Variants in IRX3 observed in about 807,000 individuals in gnomAD.
IRX3 encodes iroquois homeobox 3.
Under a neutral mutation model 36.4 loss-of-function variants are expected in IRX3, and 20 were observed. That is an observed-to-expected ratio of 0.55 (90% CI 0.39 to 0.80). The LOEUF (loss-of-function observed/expected upper bound fraction) is 0.80, where lower values mean the gene tolerates loss of function less well. IRX3 is among the 30% of genes least tolerant of loss of function. The pLI is 0.00. For synonymous variants in IRX3, 404 were observed against 351.6 expected (o/e 1.15, Z -1.67); for missense variants, 718 against 733.2 (o/e 0.98, Z 0.24).
Position 54,285,515 on chromosome 16 carries a change from C to T in IRX3, c.366G>A (p.Gln122=). The T allele has an allele frequency of 6.2e-7, 1 of 1,613,922 alleles. No homozygotes were observed. The highest frequency in any genetic ancestry group is 8.5e-7 in the Non-Finnish European group (1 of 1,179,920). ...GACGGGACGGGTCCCCGAACTGGTA[C>T]TGGCCATACGGGTAGAAGGCGGGGT... The part of the protein sequence containing the change: ...HPHPAFYPYG[Q]YQFGDPSRPK... The change falls in exon 2 of 4, where the codon CAG becomes CAA. Residue 122 remains glutamine, a synonymous_variant. Coordinates refer to ENST00000329734, the MANE Select transcript of IRX3 (RefSeq NM_024336.3). The surrounding 1 kb of genome is among the most constrained non-coding windows in gnomAD (Gnocchi z 5.7).
chr16:54,284,029 T>C lies in IRX3; in HGVS notation c.1451+217A>G. 1 of 1,372,284 alleles carries C rather than the reference T, an allele frequency of 7.3e-7. No homozygotes were observed. Among genetic ancestry groups the C allele is most frequent in the Non-Finnish European group, 9.6e-7 (1 of 1,042,194 alleles). 85.0% of individuals were successfully genotyped at this position (1,372,284 alleles called of 1,614,324 possible). On this transcript the variant is annotated intron_variant, in intron 3 of 3. Coordinates refer to ENST00000329734, the MANE Select transcript of IRX3 (RefSeq NM_024336.3). This position sits in a 1 kb window ranked among gnomAD's most constrained non-coding sequence, Gnocchi z 4.0. Reference sequence around the variant, plus strand: ...CTTCCCCTAGAAGGTACAAGCGCTGTACCCTCCGGCCGCGCCTGGGGTGCC... The same window carrying C: ...CTTCCCCTAGAAGGTACAAGCGCTGCACCCTCCGGCCGCGCCTGGGGTGCC...
Position 54,286,233 on chromosome 16 carries a change from G to T in IRX3, c.-183C>A. 9.9e-7 allele frequency: 1 copy of T among 1,011,826 alleles called. No individual in the cohort carries two copies. 62.7% of individuals were successfully genotyped at this position (1,011,826 alleles called of 1,614,324 possible). Reference sequence around the variant, plus strand: ...TCCGCGGCGGCGACGGCGGCGGCGAGGGCGGCGGCGAGGAGCCAGGTCAGG... The same window carrying T: ...TCCGCGGCGGCGACGGCGGCGGCGATGGCGGCGGCGAGGAGCCAGGTCAGG... On this transcript the variant is annotated 5_prime_UTR_variant, in exon 1 of 4. Coordinates refer to ENST00000329734, the MANE Select transcript of IRX3 (RefSeq NM_024336.3).
At position 54,284,136 on chromosome 16, in the gene IRX3, C is replaced by G; in HGVS notation, c.1451+110G>C. On this transcript the variant is annotated intron_variant, in intron 3 of 3. Transcript: ENST00000329734. The surrounding 1 kb of genome is among the most constrained non-coding windows in gnomAD (Gnocchi z 4.0). ...TTCGTCCCCTTTTACAAAATGCGTCCCAGCAGGGTTCCCCCCTACCCCGGG... is the reference window on the plus strand; with the variant it reads ...TTCGTCCCCTTTTACAAAATGCGTCGCAGCAGGGTTCCCCCCTACCCCGGG... The G allele has an allele frequency of 5.8e-6, 7 of 1,215,028 alleles. 1 individual carries two copies. Among genetic ancestry groups the G allele is most frequent in the South Asian group, 5.5e-5 (4 of 72,564 alleles). The allele number at this position is 1,215,028 out of a possible 1,614,324, so 75.3% of individuals were successfully genotyped here. A position where few individuals can be genotyped will look rare whatever the true frequency, so the allele number is the denominator to read the frequency against.
chr16:54,285,668 C>A lies in IRX3; in HGVS notation c.268-55G>T. The A allele has an allele frequency of 6.8e-7, 1 of 1,463,588 alleles. No individual in the cohort carries two copies. 90.7% of individuals were successfully genotyped at this position (1,463,588 alleles called of 1,614,324 possible). A position where few individuals can be genotyped will look rare whatever the true frequency, so the allele number is the denominator to read the frequency against. On this transcript the variant is annotated intron_variant, in intron 1 of 3. Transcript: ENST00000329734. The surrounding 1 kb of genome is among the most constrained non-coding windows in gnomAD (Gnocchi z 5.7). Reference sequence around the variant, plus strand: ...GCGCGGAGGGAGCGCGAGTGAGCCCCAGCCATCGCTGCCTCCCCCCTCCTG... The same window carrying A: ...GCGCGGAGGGAGCGCGAGTGAGCCCAAGCCATCGCTGCCTCCCCCCTCCTG...
chr16:54,283,508 G>A lies in IRX3; in HGVS notation c.*178C>T, dbSNP rs1165261080. On this transcript the variant is annotated 3_prime_UTR_variant, in exon 4 of 4. Coordinates refer to ENST00000329734, the MANE Select transcript of IRX3 (RefSeq NM_024336.3). This position sits in a 1 kb window ranked among gnomAD's most constrained non-coding sequence, Gnocchi z 4.4. Reference sequence around the variant, plus strand: ...TGCGGGGTGCCACAGAAGCGACTTGGGGAGGGCTGAGGAGGACTGGTTTTA... The same window carrying A: ...TGCGGGGTGCCACAGAAGCGACTTGAGGAGGGCTGAGGAGGACTGGTTTTA... 1 of 520,972 alleles carries A rather than the reference G, an allele frequency of 1.9e-6. No homozygotes were observed. The highest frequency in any genetic ancestry group is 3.5e-6 in the Non-Finnish European group (1 of 286,222). 32.3% of individuals were successfully genotyped at this position (520,972 alleles called of 1,614,324 possible).
rs1567616900 is a variant in IRX3, at chr16:54,285,273, C to T, written c.608G>A (p.Gly203Glu). 3.1e-6 allele frequency: 5 copies of T among 1,613,952 alleles called. No individual in the cohort carries two copies. Among genetic ancestry groups the T allele is most frequent in the East Asian group, 4.5e-5 (2 of 44,854 alleles). ...WAPRSRTDEE[G>E]NAYGSEREEE... Reference sequence around the variant, plus strand: ...CTCGCGCTCGCTCCCATAAGCGTTTCCCTCCTCGTCAGTGCGGCTGCGAGG... The same window carrying T: ...CTCGCGCTCGCTCCCATAAGCGTTTTCCTCCTCGTCAGTGCGGCTGCGAGG... The change falls in exon 2 of 4, where the codon GGA becomes GAA. Residue 203 changes from glycine to glutamate, a missense_variant. Transcript: ENST00000329734. This position sits in a 1 kb window ranked among gnomAD's most constrained non-coding sequence, Gnocchi z 5.7.
At position 54,284,385 on chromosome 16, in the gene IRX3, A is replaced by C; in HGVS notation, c.1385-73T>G. ...GCCGGCGCCCAGGGCCGCAGAAAGCAGGAGTGGAGAGGGACGCGCGCCCTG... is the reference window on the plus strand; with the variant it reads ...GCCGGCGCCCAGGGCCGCAGAAAGCCGGAGTGGAGAGGGACGCGCGCCCTG... On this transcript the variant is annotated intron_variant, in intron 2 of 3. Transcript: ENST00000329734. The surrounding 1 kb of genome is among the most constrained non-coding windows in gnomAD (Gnocchi z 4.0). The C allele has an allele frequency of 6.6e-7, 1 of 1,510,044 alleles. No homozygotes were observed. The highest frequency in any genetic ancestry group is 1.3e-5 in the South Asian group (1 of 77,074). 93.5% of individuals were successfully genotyped at this position (1,510,044 alleles called of 1,614,324 possible).
In IRX3 at chr16:54,283,489, G is replaced by T. The variant is rs529678033; in HGVS notation, c.*197C>A. 14 of 504,064 alleles carry T rather than the reference G, an allele frequency of 2.8e-5. No homozygotes were observed. The East Asian group carries it at 4.3e-4, about 16-fold the overall frequency. 31.2% of individuals were successfully genotyped at this position (504,064 alleles called of 1,614,324 possible). On this transcript the variant is annotated 3_prime_UTR_variant, in exon 4 of 4. Coordinates refer to ENST00000329734, the MANE Select transcript of IRX3 (RefSeq NM_024336.3). The surrounding 1 kb of genome is among the most constrained non-coding windows in gnomAD (Gnocchi z 4.4). The stretch of plus-strand genomic sequence containing the variant: ...AAACAAACCTCACAGCGAATGCGGG[G>T]TGCCACAGAAGCGACTTGGGGAGGG...
Position 54,284,412 on chromosome 16 carries a change from G to C in IRX3, c.1384+85C>G. The C allele has an allele frequency of 1.4e-6, 2 of 1,430,606 alleles. No homozygotes were observed. The highest frequency in any genetic ancestry group is 2.9e-5 in the East Asian group (1 of 34,594). 88.6% of individuals were successfully genotyped at this position (1,430,606 alleles called of 1,614,324 possible). Reference sequence around the variant, plus strand: ...GAGTGGAGAGGGACGCGCGCCCTGCGCCCCCCGGGCCCTGCCCCTCCCGGC... The same window carrying C: ...GAGTGGAGAGGGACGCGCGCCCTGCCCCCCCCGGGCCCTGCCCCTCCCGGC... On this transcript the variant is annotated intron_variant, in intron 2 of 3. Coordinates refer to ENST00000329734, the MANE Select transcript of IRX3 (RefSeq NM_024336.3). This position sits in a 1 kb window ranked among gnomAD's most constrained non-coding sequence, Gnocchi z 4.0.
rs115662299 is a variant in IRX3 at position 54,285,695 on chromosome 16, C to T, written c.268-82G>A. 1,532 of 1,463,596 alleles carry T rather than the reference C, an allele frequency of 1.0e-3. 15 individuals are homozygous for T. The African/African-American group carries it at 0.019, about 18-fold the overall frequency. 90.7% of individuals were successfully genotyped at this position (1,463,596 alleles called of 1,614,324 possible). A position where few individuals can be genotyped will look rare whatever the true frequency, so the allele number is the denominator to read the frequency against. On this transcript the variant is annotated intron_variant, in intron 1 of 3. Transcript: ENST00000329734. The surrounding 1 kb of genome is among the most constrained non-coding windows in gnomAD (Gnocchi z 5.7). ...GCCATCGCTGCCTCCCCCCTCCTGG[C>T]CTGCACCCCTCTAGTCCGGCCCCCG...
Position 54,285,739 on chromosome 16 carries a change from C to A in IRX3, c.267+45G>T, listed in dbSNP as rs966800332. ...GCCCCCGCGCGCTCAGCTCGCCCTGCGCCCCAGCGCCAACCCCTCCTTCCC... is the reference window on the plus strand; with the variant it reads ...GCCCCCGCGCGCTCAGCTCGCCCTGAGCCCCAGCGCCAACCCCTCCTTCCC... On this transcript the variant is annotated intron_variant, in intron 1 of 3. Coordinates refer to ENST00000329734, the MANE Select transcript of IRX3 (RefSeq NM_024336.3). The surrounding 1 kb of genome is among the most constrained non-coding windows in gnomAD (Gnocchi z 5.7). 17 of 1,481,518 alleles carry A rather than the reference C, an allele frequency of 1.1e-5. No homozygotes were observed. Among genetic ancestry groups the A allele is most frequent in the Non-Finnish European group, 1.4e-5 (16 of 1,125,490 alleles). 91.8% of individuals were successfully genotyped at this position (1,481,518 alleles called of 1,614,324 possible).
In IRX3 at chr16:54,285,335, G is replaced by C. The variant is rs1901301005; in HGVS notation, c.546C>G (p.Arg182=). 2 of 1,614,192 alleles carry C rather than the reference G, an allele frequency of 1.2e-6. No individual in the cohort carries two copies. The highest frequency in any genetic ancestry group is 1.7e-6 in the Non-Finnish European group (2 of 1,180,046). The change falls in exon 2 of 4, where the codon CGC becomes CGG. Residue 182 remains arginine (R), a synonymous_variant. Transcript: ENST00000329734. This position sits in a 1 kb window ranked among gnomAD's most constrained non-coding sequence, Gnocchi z 5.7. ...TCTTATTCTCCTTCTTGAGGCGCCG[G>C]CGCGCGTTGGCGAACCAGGTGGACA... The part of the protein sequence containing the change: ...TQVSTWFANA[R]RRLKKENKMT...
chr16:54,285,218 G>A lies in IRX3; in HGVS notation c.663C>T (p.Asp221=). 6.2e-7 allele frequency: 1 copy of A among 1,607,168 alleles called. No homozygotes were observed. The highest frequency in any genetic ancestry group is 8.5e-7 in the Non-Finnish European group (1 of 1,177,196). Residue 221 remains aspartate, a synonymous_variant, in exon 2 of 4, where the codon GAC becomes GAT. Coordinates refer to ENST00000329734, the MANE Select transcript of IRX3 (RefSeq NM_024336.3). The surrounding 1 kb of genome is among the most constrained non-coding windows in gnomAD (Gnocchi z 5.7). ...CCTCCAGCTCTAGCTCGCGTTTGCC[G>A]TCCTCCTCGTCCTCCTCTTCGTCTT... The part of the protein sequence containing the change: ...EEEDEEEDEE[D]GKRELELEEE...
chr16:54,284,538 G>T lies in IRX3; in HGVS notation c.1343C>A (p.Ala448Asp). 5 of 1,418,628 alleles carry T rather than the reference G, an allele frequency of 3.5e-6. No individual in the cohort carries two copies. The highest frequency in any genetic ancestry group is 4.6e-6 in the Non-Finnish European group (5 of 1,096,590). 87.9% of individuals were successfully genotyped at this position (1,418,628 alleles called of 1,614,324 possible). ...CTCCGCTGGCCGAGCGAAGGCGGCG[G>T]CGGCAGCCGGGTGGCCCGCGGCTCC... The part of the protein sequence containing the change: ...LPGAAGHPAA[A>D]AAFARPAEPE... The change falls in exon 2 of 4, where the codon GCC (alanine) becomes GAC (aspartate). Residue 448 changes from alanine to aspartate, a missense_variant. This residue lies in a region of IRX3 where 468 missense variants were observed against 462.1 expected (regional missense o/e 1.01). Transcript: ENST00000329734. This position sits in a 1 kb window ranked among gnomAD's most constrained non-coding sequence, Gnocchi z 4.0.
In IRX3 at chr16:54,284,677, G is replaced by A; in HGVS notation, c.1204C>T (p.Leu402=). 8 of 1,402,646 alleles carry A rather than the reference G, an allele frequency of 5.7e-6. No homozygotes were observed. Among genetic ancestry groups the A allele is most frequent in the Non-Finnish European group, 7.3e-6 (8 of 1,091,842 alleles). The allele number at this position is 1,402,646 out of a possible 1,614,324, so 86.9% of individuals were successfully genotyped here. The change falls in exon 2 of 4, where the codon CTG becomes TTG. Residue 402 remains leucine (L), a synonymous_variant. Coordinates refer to ENST00000329734, the MANE Select transcript of IRX3 (RefSeq NM_024336.3). The surrounding 1 kb of genome is among the most constrained non-coding windows in gnomAD (Gnocchi z 4.0). ...TTGGTCCAAGCCGGGAACTTGCCCA[G>A]CGGCGCTGAGACCAGTCTGTGAGCG... ...AAAHRLVSAP[L]GKFPAWTNRP...
rs1192332041 is a variant in IRX3 at position 54,285,620 on chromosome 16, G to C, written c.268-7C>G. The C allele has an allele frequency of 2.0e-6, 3 of 1,504,170 alleles. No individual in the cohort carries two copies. Among genetic ancestry groups the C allele is most frequent in the East Asian group, 2.4e-5 (1 of 41,114 alleles). The allele number at this position is 1,504,170 out of a possible 1,614,324, so 93.2% of individuals were successfully genotyped here. The stretch of plus-strand genomic sequence containing the variant: ...TCAGCTCATACTGCGCGCCCTGTAC[G>C]CACATGGAGAAGGAAGGGACACGCG... On this transcript the variant is annotated splice_polypyrimidine_tract_variant and splice_region_variant and intron_variant, in intron 1 of 3. Transcript: ENST00000329734. The surrounding 1 kb of genome is among the most constrained non-coding windows in gnomAD (Gnocchi z 5.7).
At position 54,285,311 on chromosome 16, in the gene IRX3, C is replaced by T. The variant is rs1305524700; in HGVS notation, c.570G>A (p.Lys190=). ...NARRRLKKEN[K]MTWAPRSRTD... ...TGCGGCTGCGAGGCGCCCAAGTCAT[C>T]TTATTCTCCTTCTTGAGGCGCCGGC... Residue 190 remains lysine (K), a synonymous_variant, in exon 2 of 4, where the codon AAG becomes AAA. Coordinates refer to ENST00000329734, the MANE Select transcript of IRX3 (RefSeq NM_024336.3). The surrounding 1 kb of genome is among the most constrained non-coding windows in gnomAD (Gnocchi z 5.7). The T allele has an allele frequency of 6.2e-7, 1 of 1,614,182 alleles. No individual in the cohort carries two copies. The highest frequency in any genetic ancestry group is 2.2e-5 in the East Asian group (1 of 44,838).
Position 54,285,412 on chromosome 16 carries a change from T to C in IRX3, c.469A>G (p.Lys157Glu). Residue 157 changes from lysine (K) to glutamate (E), a missense_variant, in exon 2 of 4, where the codon AAG becomes GAG. Around this residue, in one of 3 missense-constraint regions of IRX3, gnomAD observed 46 missense variants for 89.7 expected, o/e 0.51. Transcript: ENST00000329734. The surrounding 1 kb of genome is among the most constrained non-coding windows in gnomAD (Gnocchi z 5.7). ...ATGGCCAGCATGATCTTCTCGCCCT[T>C]GGTGGGGTAGGGGTTCTTGCGGTGC... ...NEHRKNPYPT[K>E]GEKIMLAIIT... 1 of 1,614,080 alleles carries C rather than the reference T, an allele frequency of 6.2e-7. No homozygotes were observed. The highest frequency in any genetic ancestry group is 8.5e-7 in the Non-Finnish European group (1 of 1,180,018).
In IRX3 at chr16:54,285,566, G is replaced by A. The variant is rs779892926; in HGVS notation, c.315C>T (p.Ala105=). Residue 105 remains alanine, a synonymous_variant, in exon 2 of 4, where the codon GCC becomes GCT. Transcript: ENST00000329734. This position sits in a 1 kb window ranked among gnomAD's most constrained non-coding sequence, Gnocchi z 5.7. ...LKDSPGVQHP[A]AAAAFPHPHP... ...GCGGGTGCGGAAACGCGGCAGCCGC[G>A]GCCGGATGCTGCACCCCGGGGCTGT... 1.9e-6 allele frequency: 3 copies of A among 1,590,074 alleles called. No homozygotes were observed. Among genetic ancestry groups the A allele is most frequent in the Non-Finnish European group, 1.7e-6 (2 of 1,167,800 alleles).
Sources: gnomAD v4.1 joint callset for allele counts on GRCh38, gnomAD v4.1.1 for gene constraint, gnomAD v4.1.1 regional missense constraint, Gnocchi (gnomAD v3.1) non-coding constraint, MANE v1.5 for transcripts, NCBI Gene and HGNC (gene_info 2026-07-23, HGNC 2026-07-21) for gene names.